Variants in ARMC3 observed in about 807,000 individuals in gnomAD.
The protein encoded by ARMC3 is armadillo repeat containing 3, also known as armadillo repeat-containing protein 3.
Under a neutral mutation model 90.3 loss-of-function variants are expected in ARMC3, and 74 were observed. The ratio of observed to expected loss-of-function variants is 0.82; its 90% CI spans 0.68 to 0.99. The LOEUF (loss-of-function observed/expected upper bound fraction) is 0.99. Among genes scored for constraint, ARMC3 ranks in the 50% least tolerant of loss-of-function variants. The pLI is 0.00. For missense variants in ARMC3, 958 were observed against 1,042.8 expected, an observed-to-expected ratio of 0.92 and a Z score of 1.12; for synonymous variants, 334 against 361.8, an observed-to-expected ratio of 0.92 and a Z score of 0.87.
At chr10:23,031,626 G>A (rs1277436373) in intron 17 of ARMC3, among the ~76,000 whole-genome samples, 1 of 152,200 alleles carries the variant, frequency 6.6e-6, no homozygotes, top group Non-Finnish European at 1.5e-5. Context: ...TGTTCCTGAT[G>A]TCCTTGAGAA....
intron 4 of ARMC3, among the ~76,000 whole-genome samples, chr10:22,956,510 G>C (rs1349739298): frequency 6.6e-6 from 1 of 151,964 alleles, no homozygotes; most frequent in Non-Finnish European, 1.5e-5. Flanking sequence ...GGCTGAGGCA[G>C]GAGAATCGCT....
At chr10:22,975,478 T>C (rs1373792003) in intron 8 of ARMC3, among the ~76,000 whole-genome samples, 2 of 152,080 alleles carry the variant, frequency 1.3e-5, no homozygotes, top group Non-Finnish European at 2.9e-5. Context: ...GGTAGGACAA[T>C]CACTTGAACC....
At position 23,001,551 on chromosome 10, in the gene ARMC3, T is replaced by C. The variant is rs866071640; in HGVS notation, c.1426-368T>C. Among the ~76,000 whole-genome samples the C allele has an allele frequency of 3.3e-5, 5 of 152,292 alleles. No individual in the cohort carries two copies. In the South Asian group the frequency reaches 1.0e-3, roughly 32 times the overall value. ...TCCCTTCCAGGGATGAGGATATCTT[T>C]GGGGGCCCCTTACTCTGTCTATCAC... is the stretch of plus-strand genomic sequence containing the variant. On this transcript the variant is annotated intron_variant, in intron 11 of 18. Transcript: ENST00000298032.
chr10:23,014,133 C>T, intron 16 of ARMC3: 2 of 1,548,036 alleles, frequency 1.3e-6, no homozygotes, highest in Non-Finnish European at 1.7e-6. Context: ...CCCTGAAGCA[C>T]TCCTAGGATT....
intron 10 of ARMC3, among the ~76,000 whole-genome samples, chr10:22,992,663 G>A (rs1173338730): frequency 6.6e-6 from 1 of 152,136 alleles, no homozygotes; most frequent in African/African-American, 2.4e-5. Flanking sequence ...ATATACTAGC[G>A]TCCTGTAGCT....
chr10:22,946,297 T>A, intron 3 of ARMC3, 36 bp downstream of exon 3: 1 of 1,416,456 alleles, frequency 7.1e-7, no homozygotes, highest in Non-Finnish European at 9.9e-7. Context: ...TCTGTTTCAT[T>A]AATTTCTTAA....
chr10:22,994,883 AAC>A (rs752735043), intron 10 of ARMC3, among the ~76,000 whole-genome samples: 6 of 152,250 alleles, frequency 3.9e-5, no homozygotes, highest in Non-Finnish European at 7.3e-5. Context: ...AAATGATATA[AAC>A]AGATGTTTTC....
intron 16 of ARMC3, among the ~76,000 whole-genome samples, chr10:23,012,766 T>C (rs999857278): frequency 1.4e-5 from 2 of 145,064 alleles, no homozygotes; most frequent in Non-Finnish European, 3.0e-5. Context: ...ACTTCCCTAG[T>C]TCAGGCCTTT....
In ARMC3 at chr10:22,968,377, G is replaced by A. The variant is rs924789893; in HGVS notation, c.804G>A (p.Val268=). The A allele has an allele frequency of 1.9e-6, 3 of 1,613,968 alleles. No individual in the cohort carries two copies. Among genetic ancestry groups the A allele is most frequent in the African/African-American group, 1.3e-5 (1 of 75,036 alleles). ...ANCLEDMDTM[V]QIQQTGGLKK... is the part of the protein sequence containing the mutation. Reference sequence around the variant, plus strand: ...GCCTTGAAGACATGGATACTATGGTGCAGATTCAGCAGACAGGGGGTCTTA... The same window carrying A: ...GCCTTGAAGACATGGATACTATGGTACAGATTCAGCAGACAGGGGGTCTTA... Residue 268 remains valine, a synonymous_variant, in exon 8 of 19, where the codon GTG becomes GTA. Coordinates refer to ENST00000298032, the MANE Select transcript of ARMC3 (RefSeq NM_173081.5).
chr10:23,024,537 TTAAAG>T (rs1838638760), intron 16 of ARMC3, among the ~76,000 whole-genome samples: 1 of 152,202 alleles, frequency 6.6e-6, no homozygotes, highest in Non-Finnish European at 1.5e-5. Flanking sequence ...CAATGATATT[TTAAAG>T]TAAAGGAAGT....
chr10:22,978,162 G>T (rs1302250743), intron 8 of ARMC3, among the ~76,000 whole-genome samples: 1 of 152,074 alleles, frequency 6.6e-6, no homozygotes, highest in African/African-American at 2.4e-5. Context: ...TTCTTTTCAG[G>T]TCCTACCTGT....
intron 4 of ARMC3, among the ~76,000 whole-genome samples, chr10:22,958,037 G>T (rs2131244223): frequency 6.6e-6 from 1 of 152,192 alleles, no homozygotes; most frequent in East Asian, 1.9e-4. Context: ...ACCCCAGCCT[G>T]GGTGACAGAG....
chr10:23,005,874 G>GA (rs369462737), intron 13 of ARMC3, among the ~76,000 whole-genome samples: 37 of 147,936 alleles, frequency 2.5e-4, no homozygotes, highest in Non-Finnish European at 3.8e-4. Flanking sequence ...AAAAAAGGGG[G>GA]AAAAAAAAAA....
intron 10 of ARMC3, among the ~76,000 whole-genome samples, chr10:22,985,614 T>C (rs897914440): frequency 2.0e-5 from 3 of 152,182 alleles, no homozygotes; most frequent in African/African-American, 7.2e-5. Context: ...TTTTTGCTTC[T>C]CAGAGGCCAT....
chr10:22,968,526 A>T, intron 8 of ARMC3, 37 bp downstream of exon 8: 2 of 1,503,290 alleles, frequency 1.3e-6, no homozygotes, highest in Non-Finnish European at 8.9e-7. Context: ...TTGAGATAGG[A>T]TCTTGCTCTG....
intron 16 of ARMC3, among the ~76,000 whole-genome samples, chr10:23,015,718 A>AC (rs1160070732): frequency 1.3e-5 from 2 of 152,200 alleles, no homozygotes; most frequent in East Asian, 3.8e-4. Flanking sequence ...TGTTTTTAAA[A>AC]TAATTTCCCA....
At chr10:22,939,326 A>G (rs1588812788) in intron 2 of ARMC3, among the ~76,000 whole-genome samples, 2 of 152,274 alleles carry the variant, frequency 1.3e-5, no homozygotes, top group African/African-American at 4.8e-5. Context: ...TCTGAAGTCT[A>G]ATCTGTATGG....
chr10:23,003,864 A>C (rs1424090779), intron 13 of ARMC3, among the ~76,000 whole-genome samples: 3 of 152,154 alleles, frequency 2.0e-5, no homozygotes, highest in Non-Finnish European at 4.4e-5. Context: ...GTATAAAAGA[A>C]GGAGCAGGTG....
At chr10:23,024,164 G>A (rs556300144) in intron 16 of ARMC3, among the ~76,000 whole-genome samples, 1 of 152,274 alleles carries the variant, frequency 6.6e-6, no homozygotes, top group South Asian at 2.1e-4. Flanking sequence ...AAGCCAGGTG[G>A]AAGTGGCATG....
Sources: gnomAD v4.1 joint callset for allele counts (sites outside exome capture counted in the v4.1 genomes callset) on GRCh38, gnomAD v4.1.1 for gene constraint, MANE v1.5 for transcripts, NCBI Gene and HGNC (gene_info 2026-07-23, HGNC 2026-07-21) for gene names.